Variants in SOX30 observed in about 807,000 individuals in gnomAD.
The protein encoded by SOX30 is SRY-box transcription factor 30.
SOX30 carries 17 observed loss-of-function variants against 58.6 expected under a neutral mutation model. That is an observed-to-expected ratio of 0.29 (90% CI 0.20 to 0.44). The LOEUF is 0.44. SOX30 is among the 20% of genes least tolerant of loss of function. SOX30 has a pLI of 1.00. For missense variants in SOX30, 951 were observed against 965.8 expected (o/e 0.98, Z 0.20); for synonymous variants, 421 against 400.2 (o/e 1.05, Z -0.62).
intron 2 of SOX30, among the ~76,000 whole-genome samples, chr5:157,647,984 C>G (rs943962608): frequency 2.0e-5 from 3 of 152,180 alleles, no homozygotes; most frequent in African/African-American, 7.2e-5. Flanking sequence ...TTTGCAGCCA[C>G]TGTGTAATCA....
intron 4 of SOX30, among the ~76,000 whole-genome samples, chr5:157,630,518 A>G (rs1272508092): frequency 6.6e-6 from 1 of 152,138 alleles, no homozygotes; most frequent in African/African-American, 2.4e-5. Flanking sequence ...TAAAGACCGT[A>G]TTCTTTGTTA....
chr5:157,663,734 T>C (rs1404493472), intron 2 of SOX30, among the ~76,000 whole-genome samples: 1 of 152,202 alleles, frequency 6.6e-6, no homozygotes, highest in African/African-American at 2.4e-5. Flanking sequence ...CTCCTTAAGT[T>C]GATAAGCAAC....
Position 157,651,939 on chromosome 5 carries a change from G to A in SOX30, c.140C>T (p.Ala47Val). 6.7e-7 allele frequency: 1 copy of A among 1,495,024 alleles called. No individual in the cohort carries two copies. The highest frequency in any genetic ancestry group is 8.9e-7 in the Non-Finnish European group (1 of 1,126,982). The allele number at this position is 1,495,024 out of a possible 1,614,324, so 92.6% of individuals were successfully genotyped here. ...GCACGACGAGGCCAAGGTCGCACTG[G>A]CTGCCGCGCTCAGTGTGGGAGACGA... The part of the protein sequence containing the change: ...PPSSPTLSAA[A>V]SATLASSCGE... The change falls in exon 1 of 5, where the codon GCC (alanine) becomes GTC (valine). Residue 47 changes from alanine (A) to valine (V), a missense_variant. Ala to Val is a moderately conservative substitution (Grantham distance 64, BLOSUM62 0). Around this residue, in one of 7 missense-constraint regions of SOX30, gnomAD observed 363 missense variants for 294.5 expected, o/e 1.23. Coordinates refer to ENST00000265007, the MANE Select transcript of SOX30 (RefSeq NM_178424.2).
At chr5:157,628,627 T>C (rs890839235) in intron 4 of SOX30, among the ~76,000 whole-genome samples, 9 of 151,420 alleles carry the variant, frequency 5.9e-5, no homozygotes, top group Admixed American at 5.3e-4. Flanking sequence ...ACACATGTCC[T>C]GAATACACTG....
intron 4 of SOX30, among the ~76,000 whole-genome samples, chr5:157,628,030 A>G (rs1758700385): frequency 6.6e-6 from 1 of 151,434 alleles, no homozygotes; most frequent in Non-Finnish European, 1.5e-5. Context: ...AATTTCTGCC[A>G]TTTGCTGGGC....
At chr5:157,632,761 C>T (rs184188971) in intron 4 of SOX30, among the ~76,000 whole-genome samples, 41 of 152,228 alleles carry the variant, frequency 2.7e-4, no homozygotes, top group African/African-American at 6.5e-4. Context: ...CCTGGATCAA[C>T]GACAAAAATT....
upstream of SOX30, among the ~76,000 whole-genome samples, chr5:157,656,066 G>A (rs1451575990): frequency 6.6e-6 from 1 of 152,164 alleles, no homozygotes; most frequent in Non-Finnish European, 1.5e-5. Context: ...GTAACCATGT[G>A]GCTGTGCTTT....
intron 3 of SOX30, among the ~76,000 whole-genome samples, chr5:157,640,845 C>A (rs942939826): frequency 2.0e-5 from 3 of 152,136 alleles, no homozygotes; most frequent in African/African-American, 7.2e-5. Flanking sequence ...ACCCTGCACT[C>A]CACCTCGCAT....
intron 3 of SOX30, among the ~76,000 whole-genome samples, chr5:157,642,522 T>G (rs558490823): frequency 1.3e-5 from 2 of 152,144 alleles, no homozygotes; most frequent in Non-Finnish European, 2.9e-5. Flanking sequence ...GGAAAAAGGC[T>G]GATAGAGATT....
chr5:157,667,697 C>G, intron 2 of SOX30: 1 of 1,455,400 alleles, frequency 6.9e-7, no homozygotes, highest in Non-Finnish European at 9.1e-7. Flanking sequence ...TGATATCATG[C>G]CACTGCCCTC....
intron 3 of SOX30, among the ~76,000 whole-genome samples, chr5:157,643,101 GACAACA>G (rs200189852): frequency 1.1e-3 from 159 of 149,932 alleles, no homozygotes; most frequent in African/African-American, 3.2e-3. Flanking sequence ...GAAGAAAACG[GACAACA>G]ACAACAACAA....
At chr5:157,629,759 C>T (rs1758744477) in intron 4 of SOX30, among the ~76,000 whole-genome samples, 1 of 152,208 alleles carries the variant, frequency 6.6e-6, no homozygotes, top group African/African-American at 2.4e-5. Flanking sequence ...CTATAAATAT[C>T]TCCACTGTAC....
upstream of SOX30, among the ~76,000 whole-genome samples, chr5:157,655,084 C>T (rs184010803): frequency 1.1e-4 from 17 of 152,262 alleles, no homozygotes; most frequent in Non-Finnish European, 2.2e-4. Flanking sequence ...GACCCCTTTC[C>T]TGTAACTTCT....
At chr5:157,657,126 G>A (rs1411553736), upstream of SOX30, among the ~76,000 whole-genome samples, 1 of 152,100 alleles carries the variant, frequency 6.6e-6, no homozygotes, top group African/African-American at 2.4e-5. Context: ...GGCTTATTTG[G>A]TACAAAAACC....
chr5:157,662,702 G>A (rs1291982410), intron 2 of SOX30, among the ~76,000 whole-genome samples: 1 of 152,136 alleles, frequency 6.6e-6, no homozygotes, highest in African/African-American at 2.4e-5. Flanking sequence ...GGAAGTAGGG[G>A]TTGGACATGC....
intron 4 of SOX30, among the ~76,000 whole-genome samples, chr5:157,636,117 G>A (rs1758920465): frequency 6.6e-6 from 1 of 152,148 alleles, no homozygotes; most frequent in Non-Finnish European, 1.5e-5. Flanking sequence ...ACACTAAAAA[G>A]AAGAAAAATG....
In SOX30 at chr5:157,651,989, C is replaced by T; in HGVS notation, c.90G>A (p.Trp30Ter). ...PPLPVEGTSFWAAAMEPPPSS... is the reference protein window; with the variant it reads ...PPLPVEGTSF ...ACGGAGGGGGCTCCATGGCTGCTGCCCAAAAGGAGGTGCCCTCGACCGGCA... is the reference window on the plus strand; with the variant it reads ...ACGGAGGGGGCTCCATGGCTGCTGCTCAAAAGGAGGTGCCCTCGACCGGCA... The change falls in exon 1 of 5, where the codon TGG (tryptophan) becomes TGA (stop). Residue 30 changes from tryptophan to a stop codon, truncating the protein, a stop_gained. Coordinates refer to ENST00000265007, the MANE Select transcript of SOX30 (RefSeq NM_178424.2). LOFTEE classifies it high-confidence loss of function. 6.9e-7 allele frequency: 1 copy of T among 1,440,354 alleles called. No individual in the cohort carries two copies. The highest frequency in any genetic ancestry group is 9.0e-7 in the Non-Finnish European group (1 of 1,105,012). 89.2% of individuals were successfully genotyped at this position (1,440,354 alleles called of 1,614,324 possible). A position where few individuals can be genotyped will look rare whatever the true frequency, so the allele number is the denominator to read the frequency against.
intron 3 of SOX30, among the ~76,000 whole-genome samples, chr5:157,646,116 T>G (rs1443901926): frequency 1.3e-5 from 2 of 151,724 alleles, no homozygotes; most frequent in Non-Finnish European, 2.9e-5. Context: ...GTTCTTAAAA[T>G]CAGTAACAGG....
chr5:157,647,329 G>A (rs1759218096), intron 2 of SOX30, among the ~76,000 whole-genome samples: 1 of 152,056 alleles, frequency 6.6e-6, no homozygotes, highest in Non-Finnish European at 1.5e-5. Context: ...CCAAAGGCTG[G>A]GATTACAGGC....
Sources: gnomAD v4.1 joint callset for allele counts (sites outside exome capture counted in the v4.1 genomes callset) on GRCh38, gnomAD v4.1.1 for gene constraint, gnomAD v4.1.1 regional missense constraint, MANE v1.5 for transcripts, NCBI Gene and HGNC (gene_info 2026-07-23, HGNC 2026-07-21) for gene names.